GABRB1: variants seen among roughly 807,000 people sequenced by gnomAD.
The protein encoded by GABRB1 is gamma-aminobutyric acid type A receptor subunit beta1.
A neutral mutation model predicts 51.6 loss-of-function variants in GABRB1; 17 were observed. The ratio of observed to expected loss-of-function variants is 0.33; its 90% CI spans 0.23 to 0.49. GABRB1 has a LOEUF of 0.49. Ranked by LOEUF, GABRB1 falls within the 20% of genes least tolerant of loss-of-function variation. GABRB1 has a pLI of 0.99. For synonymous variants in GABRB1, 247 were observed against 218.9 expected (o/e 1.13, Z -1.14); for missense variants, 410 against 600.6 (o/e 0.68, Z 3.32).
chr4:47,333,923 C>T (rs1725595450), intron 5 of GABRB1, among the ~76,000 whole-genome samples: 1 of 152,076 alleles, frequency 6.6e-6, no homozygotes, highest in African/African-American at 2.4e-5. Context: ...GCATTGATTC[C>T]AAATCAATTG....
chr4:47,046,488 C>G (rs1415513552), intron 3 of GABRB1, among the ~76,000 whole-genome samples: 1 of 152,004 alleles, frequency 6.6e-6, no homozygotes, highest in Non-Finnish European at 1.5e-5. Flanking sequence ...AAAAATCTCA[C>G]TGAGAAGGTA....
chr4:47,161,111 T>C, intron 3 of GABRB1, 138 bp from the exon 4 acceptor site: 2 of 617,352 alleles, frequency 3.2e-6, no homozygotes, highest in Non-Finnish European at 5.6e-6. Context: ...TTTTAACCTA[T>C]TGGTTACCTT....
At chr4:47,345,938 G>A (rs1726071881) in intron 5 of GABRB1, among the ~76,000 whole-genome samples, 1 of 151,926 alleles carries the variant, frequency 6.6e-6, no homozygotes, top group African/African-American at 2.4e-5. Context: ...CATGCCAACA[G>A]CAGTTTTCCC....
At chr4:47,357,049 G>A (rs1726609042) in intron 5 of GABRB1, among the ~76,000 whole-genome samples, 3 of 152,146 alleles carry the variant, frequency 2.0e-5, no homozygotes, top group Admixed American at 2.0e-4. Flanking sequence ...AGAAAGCCAA[G>A]ATACAAACCT....
At chr4:47,104,436 G>A (rs1714863807) in intron 3 of GABRB1, among the ~76,000 whole-genome samples, 2 of 151,702 alleles carry the variant, frequency 1.3e-5, no homozygotes, top group Non-Finnish European at 2.9e-5. Context: ...ATCTATGACT[G>A]TAATTAATTT....
At chr4:47,254,361 GTTTTTTTTTT>G (rs56838956) in intron 4 of GABRB1, among the ~76,000 whole-genome samples, 9 of 80,964 alleles carry the variant, frequency 1.1e-4, no homozygotes, top group South Asian at 4.2e-4. Flanking sequence ...TCTTTTCTTT[GTTTTTTTTTT>G]TTTTTTTTTT....
At chr4:47,350,206 T>TAG (rs1289991962) in intron 5 of GABRB1, among the ~76,000 whole-genome samples, 1,237 of 93,342 alleles carry the variant, frequency 0.013, 3 homozygotes, top group South Asian at 0.016. Context: ...TATATATATA[T>TAG]ATATATATAT....
chr4:47,170,983 T>C (rs531765656), intron 4 of GABRB1, among the ~76,000 whole-genome samples: 78 of 152,280 alleles, frequency 5.1e-4, no homozygotes, highest in African/African-American at 1.9e-3. Flanking sequence ...TTTATTCATT[T>C]ATGTATATGG....
chr4:47,109,355 A>C (rs1247991831), intron 3 of GABRB1, among the ~76,000 whole-genome samples: 1 of 152,136 alleles, frequency 6.6e-6, no homozygotes, highest in Non-Finnish European at 1.5e-5. Flanking sequence ...ATACTTAAAT[A>C]GGATTTGGTA....
intron 4 of GABRB1, among the ~76,000 whole-genome samples, chr4:47,165,403 C>A (rs1381466897): frequency 1.3e-5 from 2 of 152,086 alleles, no homozygotes; most frequent in East Asian, 3.9e-4. Flanking sequence ...TCTACTGCCT[C>A]ACTACACATT....
chr4:47,161,487 G>A lies in GABRB1; in HGVS notation c.461+18G>A. 6.3e-7 allele frequency: 1 copy of A among 1,590,656 alleles called. No homozygotes were observed. Among genetic ancestry groups the A allele is most frequent in the Non-Finnish European group, 8.6e-7 (1 of 1,160,538 alleles). On this transcript the variant is annotated intron_variant, in intron 4 of 8. Coordinates refer to ENST00000295454, the MANE Select transcript of GABRB1 (RefSeq NM_000812.4). The stretch of plus-strand genomic sequence containing the variant: ...GGACTCCGGTAAATGGCTTTATGTT[G>A]CATGTTTTAATGTTGTTGTTGTTTT...
chr4:47,217,985 C>A (rs150952780), intron 4 of GABRB1, among the ~76,000 whole-genome samples: 1 of 151,762 alleles, frequency 6.6e-6, no homozygotes, highest in Non-Finnish European at 1.5e-5. Context: ...TTCATCCTCC[C>A]TCCCCGCTCA....
chr4:47,139,557 G>C (rs1716824771), intron 3 of GABRB1, among the ~76,000 whole-genome samples: 1 of 151,942 alleles, frequency 6.6e-6, no homozygotes, highest in Non-Finnish European at 1.5e-5. Flanking sequence ...AGACTCCATG[G>C]TGTCCTTCTG....
chr4:47,139,393 T>G (rs537749899), intron 3 of GABRB1, among the ~76,000 whole-genome samples: 36 of 152,196 alleles, frequency 2.4e-4, no homozygotes, highest in African/African-American at 8.7e-4. Context: ...GTTAAAATAT[T>G]TATTCACCTC....
intron 3 of GABRB1, among the ~76,000 whole-genome samples, chr4:47,056,594 G>T (rs1726615184): frequency 6.6e-6 from 1 of 152,122 alleles, no homozygotes; most frequent in African/African-American, 2.4e-5. Context: ...TGGACAAACT[G>T]GTTGGGAATC....
chr4:47,169,691 G>A (rs946588181), intron 4 of GABRB1, among the ~76,000 whole-genome samples: 2 of 152,006 alleles, frequency 1.3e-5, no homozygotes, highest in Admixed American at 6.6e-5. Context: ...TTGTAGAAAC[G>A]GGGTTTCATC....
intron 4 of GABRB1, among the ~76,000 whole-genome samples, chr4:47,273,387 T>G (rs1375434952): frequency 1.3e-5 from 2 of 152,200 alleles, no homozygotes; most frequent in Admixed American, 1.3e-4. Context: ...TCTGGGTAGT[T>G]TATTTCCTGC....
Position 47,151,445 on chromosome 4 carries a change from A to C in GABRB1, c.241-9804A>C, listed in dbSNP as rs181016086. ...TTCAAAGTAATGTGGGTTTTGATAT[A>C]AACTTGATTTAATTCAGATTCATAT... On this transcript the variant is annotated intron_variant, in intron 3 of 8. Coordinates refer to ENST00000295454, the MANE Select transcript of GABRB1 (RefSeq NM_000812.4). 3.3e-5 allele frequency among the ~76,000 whole-genome samples: 5 copies of C among 152,178 alleles called. No homozygotes were observed. The East Asian group carries it at 9.7e-4, about 29-fold the overall frequency.
chr4:47,339,981 T>C (rs1391062722), intron 5 of GABRB1, among the ~76,000 whole-genome samples: 3 of 152,196 alleles, frequency 2.0e-5, no homozygotes, highest in East Asian at 3.8e-4. Context: ...GTGCTAACTA[T>C]AACTTTGTGC....
Sources: gnomAD v4.1 joint callset for allele counts (sites outside exome capture counted in the v4.1 genomes callset) on GRCh38, gnomAD v4.1.1 for gene constraint, MANE v1.5 for transcripts, NCBI Gene and HGNC (gene_info 2026-07-23, HGNC 2026-07-21) for gene names.